MRPL12: variants seen among roughly 807,000 people sequenced by gnomAD.
The protein encoded by MRPL12 is large ribosomal subunit protein bL12m.
Under a neutral mutation model 21.1 loss-of-function variants are expected in MRPL12, and 13 were observed. The ratio of observed to expected loss-of-function variants is 0.62; its 90% CI spans 0.40 to 0.98. MRPL12 has a LOEUF of 0.98. Among genes scored for constraint, MRPL12 ranks in the 50% least tolerant of loss-of-function variants. The probability of loss-of-function intolerance (pLI) is 0.00; values close to 1 mark genes in which losing one functional copy is unlikely to be tolerated. For missense variants in MRPL12, 251 were observed against 268.6 expected (o/e 0.93, Z 0.46); for synonymous variants, 126 against 115.3 (o/e 1.09, Z -0.60).
At position 81,707,118 on chromosome 17, in the gene MRPL12, T is replaced by C. The variant is rs1179355230; in HGVS notation, c.481-6T>C. The C allele has an allele frequency of 1.2e-6, 2 of 1,613,836 alleles. No homozygotes were observed. Among genetic ancestry groups the C allele is most frequent in the Admixed American group, 3.3e-5 (2 of 60,000 alleles). ...CCCCAGTCCCTGACTTTGCTCTCTC[T>C]GGCAGGCAAAGAAGCTGGTGGAGTC... On this transcript the variant is annotated splice_region_variant and splice_polypyrimidine_tract_variant and intron_variant, in intron 4 of 4. Coordinates refer to ENST00000333676, the MANE Select transcript of MRPL12 (RefSeq NM_002949.4).
At chr17:81,704,214 A>G (rs1397717265) in intron 1 of MRPL12, 30 bp from the exon 2 acceptor site, 2 of 1,583,450 alleles carry the variant, frequency 1.3e-6, no homozygotes, top group Non-Finnish European at 1.7e-6. Flanking sequence ...CAGGACTGAC[A>G]AGTCTGTTTT....
At chr17:81,705,729 G>C (rs1177471868) in intron 3 of MRPL12, among the ~76,000 whole-genome samples, 1 of 152,232 alleles carries the variant, frequency 6.6e-6, no homozygotes, top group African/African-American at 2.4e-5. Context: ...AGTTGCGTTT[G>C]GTCATCGGGT....
Position 81,703,410 on chromosome 17 carries a change from G to C in MRPL12, c.-92G>C. 1 of 1,119,824 alleles carries C rather than the reference G, an allele frequency of 8.9e-7. No homozygotes were observed. The highest frequency in any genetic ancestry group is 3.2e-5 in the East Asian group (1 of 31,544). The allele number at this position is 1,119,824 out of a possible 1,614,324, so 69.4% of individuals were successfully genotyped here. On this transcript the variant is annotated 5_prime_UTR_variant, in exon 1 of 5. Coordinates refer to ENST00000333676, the MANE Select transcript of MRPL12 (RefSeq NM_002949.4). The stretch of plus-strand genomic sequence containing the variant: ...GCCCGGCAGCCGTGGCGGCTAGAGC[G>C]TTCCTCCCCAGCTCGAATGCCCGGC...
intron 3 of MRPL12, 117 bp from the exon 4 acceptor site, chr17:81,706,789 G>C (rs1051626056): frequency 3.1e-6 from 4 of 1,271,742 alleles, no homozygotes; most frequent in South Asian, 1.5e-5. Context: ...TCCAGGCTTC[G>C]CTGGGGCCTC....
Position 81,703,521 on chromosome 17 carries a change from G to A in MRPL12, c.20G>A (p.Arg7His), listed in dbSNP as rs1053228235. MLPAAARPLWGPCLGLR... is the reference protein window; with the variant it reads MLPAAAHPLWGPCLGLR... ...GGACCGATGCTGCCGGCGGCCGCTC[G>A]CCCCCTGTGGGGGCCTTGCCTTGGG... Residue 7 changes from arginine to histidine, a missense_variant, in exon 1 of 5, where the codon CGC (arginine) becomes CAC (histidine). By Grantham distance (29) the Arg-to-His change is conservative. Transcript: ENST00000333676. 6.7e-7 allele frequency: 1 copy of A among 1,481,982 alleles called. No homozygotes were observed. Among genetic ancestry groups the A allele is most frequent in the Non-Finnish European group, 8.9e-7 (1 of 1,122,318 alleles). The allele number at this position is 1,481,982 out of a possible 1,614,324, so 91.8% of individuals were successfully genotyped here.
Position 81,707,198 on chromosome 17 carries a change from G to A in MRPL12, c.555G>A (p.Lys185=), listed in dbSNP as rs1414375906. 1 of 1,611,838 alleles carries A rather than the reference G, an allele frequency of 6.2e-7. No individual in the cohort carries two copies. Among genetic ancestry groups the A allele is most frequent in the East Asian group, 2.2e-5 (1 of 44,852 alleles). ...NVAKAEAEKI[K]AALEAVGGTV... is the part of the protein sequence containing the mutation. ...CCAAAGCTGAGGCGGAGAAGATCAA[G>A]GCGGCCCTGGAGGCGGTGGGCGGCA... Residue 185 remains lysine (K), a synonymous_variant, in exon 5 of 5, where the codon AAG becomes AAA. Coordinates refer to ENST00000333676, the MANE Select transcript of MRPL12 (RefSeq NM_002949.4).
chr17:81,705,389 C>CAAAA (rs758967615), intron 3 of MRPL12, among the ~76,000 whole-genome samples: 3 of 63,228 alleles, frequency 4.7e-5, no homozygotes, highest in Admixed American at 1.8e-4. Flanking sequence ...GACCCTGTCT[C>CAAAA]AAAAAAAAAA....
In MRPL12 at chr17:81,703,612, G is replaced by A. The variant is rs34724580; in HGVS notation, c.74+37G>A. 90,067 of 1,354,568 alleles carry A rather than the reference G, an allele frequency of 0.066. 3,827 individuals carry two copies. Among genetic ancestry groups the A allele is most frequent in the East Asian group, 0.27 (8,659 of 32,102 alleles). The allele number at this position is 1,354,568 out of a possible 1,614,324, so 83.9% of individuals were successfully genotyped here. A position where few individuals can be genotyped will look rare whatever the true frequency, so the allele number is the denominator to read the frequency against. ...CCTGGGGCGGTCCGGGCCGGCAGGC[G>A]GGTTAGGGGGCAGCCGGGCACTGAG... On this transcript the variant is annotated intron_variant, in intron 1 of 4. Coordinates refer to ENST00000333676, the MANE Select transcript of MRPL12 (RefSeq NM_002949.4).
At chr17:81,706,840 G>T in intron 3 of MRPL12, 66 bp from the exon 4 acceptor site, 1 of 1,577,570 alleles carries the variant, frequency 6.3e-7, no homozygotes, top group Non-Finnish European at 8.6e-7. Flanking sequence ...GGGTGGCCCA[G>T]CAGTGGAGGC....
In MRPL12 at chr17:81,707,220, G is replaced by A. The variant is rs2037323395; in HGVS notation, c.577G>A (p.Gly193Ser). Residue 193 changes from glycine to serine, a missense_variant, in exon 5 of 5, where the codon GGC becomes AGC. Gly to Ser is a moderately conservative substitution (Grantham distance 56, BLOSUM62 0). Coordinates refer to ENST00000333676, the MANE Select transcript of MRPL12 (RefSeq NM_002949.4). ...KIKAALEAVG[G>S]TVVLE ...CAAGGCGGCCCTGGAGGCGGTGGGC[G>A]GCACCGTGGTTCTGGAGTAGCCTCC... The A allele has an allele frequency of 3.7e-6, 6 of 1,602,072 alleles. No homozygotes were observed. The highest frequency in any genetic ancestry group is 2.2e-5 in the South Asian group (2 of 89,492).
chr17:81,704,789 A>G (rs553211835), intron 3 of MRPL12, 73 bp downstream of exon 3: 2 of 1,297,088 alleles, frequency 1.5e-6, no homozygotes, highest in South Asian at 2.7e-5. Context: ...GTGGTCCCGT[A>G]TCTCAGGTTC....
At chr17:81,706,339 C>T (rs1171842031) in intron 3 of MRPL12, among the ~76,000 whole-genome samples, 1 of 152,134 alleles carries the variant, frequency 6.6e-6, no homozygotes, top group East Asian at 1.9e-4. Context: ...CCCCGCCTCC[C>T]GGGTTCAAGC....
chr17:81,707,475 T>A lies in MRPL12; in HGVS notation c.*235T>A. On this transcript the variant is annotated 3_prime_UTR_variant, in exon 5 of 5. Transcript: ENST00000333676. ...CCCACCAGGACGCGCCACCGGTGAA[T>A]GTGCCTCTGGTGGCTGCTGAGAAAA... 1.9e-6 allele frequency: 1 copy of A among 524,744 alleles called. No individual in the cohort carries two copies. Among genetic ancestry groups the A allele is most frequent in the Non-Finnish European group, 3.4e-6 (1 of 294,536 alleles). The allele number at this position is 524,744 out of a possible 1,614,324, so 32.5% of individuals were successfully genotyped here. A position where few individuals can be genotyped will look rare whatever the true frequency, so the allele number is the denominator to read the frequency against.
In MRPL12 at chr17:81,703,715, G is replaced by T. The variant is rs376865542; in HGVS notation, c.74+140G>T. On this transcript the variant is annotated intron_variant, in intron 1 of 4. Coordinates refer to ENST00000333676, the MANE Select transcript of MRPL12 (RefSeq NM_002949.4). ...GCCGGGCTTGGGGGTCCCATCGGGG[G>T]CGCGGGGAGGAGGCCTCCCGGTGCG... is the stretch of plus-strand genomic sequence containing the variant. 49 of 812,404 alleles carry T rather than the reference G, an allele frequency of 6.0e-5. No homozygotes were observed. The East Asian group carries it at 1.2e-3, about 20-fold the overall frequency. The allele number at this position is 812,404 out of a possible 1,614,324, so 50.3% of individuals were successfully genotyped here.
At chr17:81,707,103 T>C in intron 4 of MRPL12, 21 bp from the exon 5 acceptor site, 2 of 1,613,938 alleles carry the variant, frequency 1.2e-6, no homozygotes, top group Non-Finnish European at 1.7e-6. Context: ...CCCCAGTCCC[T>C]GACTTTGCTC....
At chr17:81,706,781 C>T (rs2037318016) in intron 3 of MRPL12, 125 bp from the exon 4 acceptor site, 1 of 1,178,040 alleles carries the variant, frequency 8.5e-7, no homozygotes, top group Non-Finnish European at 1.2e-6. Flanking sequence ...CTTCCAACTC[C>T]AGGCTTCGCT....
intron 1 of MRPL12, 25 bp downstream of exon 1, chr17:81,703,600 G>C: frequency 1.5e-6 from 2 of 1,371,444 alleles, no homozygotes; most frequent in African/African-American, 1.5e-5. Flanking sequence ...GGGGCGGTCC[G>C]GGCCGGCAGG....
rs571588687 is a variant in MRPL12, at chr17:81,706,077, G to A, written c.346-829G>A. 4.6e-5 allele frequency among the ~76,000 whole-genome samples: 7 copies of A among 152,324 alleles called. No individual in the cohort carries two copies. In the South Asian group the frequency reaches 6.2e-4, roughly 14 times the overall value. The stretch of plus-strand genomic sequence containing the variant: ...CCATGCGCCACGTCAGAAGCGCAGC[G>A]TGCCCGTCAGTCCCATGGCGGGTTG... On this transcript the variant is annotated intron_variant, in intron 3 of 4. Coordinates refer to ENST00000333676, the MANE Select transcript of MRPL12 (RefSeq NM_002949.4).
chr17:81,704,784 C>A (rs535196874), intron 3 of MRPL12, 68 bp downstream of exon 3: 1 of 1,337,556 alleles, frequency 7.5e-7, no homozygotes, highest in South Asian at 1.3e-5. Context: ...GTGCCGTGGT[C>A]CCGTATCTCA....
Sources: allele counts gnomAD v4.1 joint callset (sites outside exome capture counted in the v4.1 genomes callset), GRCh38; gene constraint gnomAD v4.1.1; transcripts MANE v1.5; gene names NCBI Gene and HGNC (gene_info 2026-07-23, HGNC 2026-07-21).